Variants in IL1RAPL1 observed in about 807,000 individuals in gnomAD.
IL1RAPL1 encodes the protein interleukin-1 receptor accessory protein-like 1.
IL1RAPL1 carries 3 observed loss-of-function variants against 48.4 expected under a neutral mutation model. That is an observed-to-expected ratio of 0.06 (90% CI 0.03 to 0.16). The LOEUF (loss-of-function observed/expected upper bound fraction) is 0.16. Ranked by LOEUF, IL1RAPL1 falls within the 10% of genes least tolerant of loss-of-function variation. The pLI, the probability that IL1RAPL1 is intolerant of heterozygous loss-of-function variation, is 1.00. For missense variants in IL1RAPL1, 349 were observed against 530.6 expected (o/e 0.66, Z 3.36); for synonymous variants, 185 against 187.7 (o/e 0.99, Z 0.12).
intron 2 of IL1RAPL1, among the ~76,000 whole-genome samples, chrX:29,181,925 T>G (rs1372301045): frequency 8.9e-6 from 1 of 111,893 alleles, no homozygotes; most frequent in Non-Finnish European, 1.9e-5. Flanking sequence ...AAGTATGTAT[T>G]TGGTCTTTTT....
intron 1 of IL1RAPL1, among the ~76,000 whole-genome samples, chrX:28,721,421 G>T (rs1230741282): frequency 9.0e-6 from 1 of 111,498 alleles, no homozygotes; most frequent in Non-Finnish European, 1.9e-5. Context: ...CATATCCTTC[G>T]CCCACTTTTT....
chrX:29,169,600 T>G, intron 2 of IL1RAPL1, among the ~76,000 whole-genome samples: 1 of 111,005 alleles, frequency 9.0e-6, no homozygotes, highest in Middle Eastern at 4.7e-3. Context: ...TCAAACTACC[T>G]GGTAGGATCT....
chrX:29,789,446 T>G (rs1196919073), intron 6 of IL1RAPL1, among the ~76,000 whole-genome samples: 1 of 111,899 alleles, frequency 8.9e-6, no homozygotes, highest in Non-Finnish European at 1.9e-5. Flanking sequence ...ATTATGCTAG[T>G]GTCTATTACA....
intron 2 of IL1RAPL1, among the ~76,000 whole-genome samples, chrX:28,802,423 T>C (rs1403020319): frequency 1.8e-5 from 2 of 112,437 alleles, no homozygotes; most frequent in Non-Finnish European, 3.8e-5. Flanking sequence ...TTTTAAAATC[T>C]CTGAGGGTTA....
chrX:29,406,813 G>A (rs749912502), intron 5 of IL1RAPL1, among the ~76,000 whole-genome samples: 1 of 110,530 alleles, frequency 9.0e-6, no homozygotes, highest in African/African-American at 3.3e-5. Context: ...TTTTTAATAC[G>A]TCATCCCAGT....
At chrX:29,854,079 G>A (rs1385725717) in intron 6 of IL1RAPL1, among the ~76,000 whole-genome samples, 2 of 111,869 alleles carry the variant, frequency 1.8e-5, no homozygotes, top group Non-Finnish European at 3.8e-5. Flanking sequence ...AATTTTCGAG[G>A]TACGAAGGAT....
intron 2 of IL1RAPL1, among the ~76,000 whole-genome samples, chrX:28,900,297 G>T (rs973949777): frequency 1.2e-4 from 13 of 112,029 alleles, no homozygotes; most frequent in African/African-American, 4.2e-4. Context: ...TTCCAGAAAA[G>T]ATTTTCTGTG....
intron 2 of IL1RAPL1, among the ~76,000 whole-genome samples, chrX:28,970,869 C>G (rs918603485): frequency 6.3e-5 from 7 of 111,029 alleles, no homozygotes. Context: ...AAAAGCATAT[C>G]TTGCCATAAT....
At chrX:28,780,142 A>G (rs1283179132) in intron 1 of IL1RAPL1, among the ~76,000 whole-genome samples, 2 of 111,472 alleles carry the variant, frequency 1.8e-5, no homozygotes, top group Non-Finnish European at 1.9e-5. Flanking sequence ...CTTATTCAAA[A>G]GCAAAGTTAC....
chrX:29,257,783 A>G (rs1931781490), intron 2 of IL1RAPL1, among the ~76,000 whole-genome samples: 1 of 111,922 alleles, frequency 8.9e-6, no homozygotes, highest in Admixed American at 9.5e-5. Context: ...TTATTTTATG[A>G]TAACATGTTG....
chrX:29,001,897 C>CT (rs758737454), intron 2 of IL1RAPL1, among the ~76,000 whole-genome samples: 1,847 of 90,113 alleles, frequency 0.02, 20 homozygotes, highest in East Asian at 0.032. Flanking sequence ...CAATGAAGAA[C>CT]TTTTTTTTTT....
intron 2 of IL1RAPL1, among the ~76,000 whole-genome samples, chrX:29,092,748 A>C: frequency 8.9e-6 from 1 of 112,347 alleles, no homozygotes; most frequent in Non-Finnish European, 1.9e-5. Flanking sequence ...ATTTAAGTTA[A>C]GGAAAGGTTC....
At position 29,263,189 on chromosome X, in the gene IL1RAPL1, G is replaced by A. The variant is rs985330620; in HGVS notation, c.83-19749G>A. On this transcript the variant is annotated intron_variant, in intron 2 of 10. Coordinates refer to ENST00000378993, the MANE Select transcript of IL1RAPL1 (RefSeq NM_014271.4). ...GTTTGTCCCTCCTATTAGAGAGTGA[G>A]TTCACTAAGGGCAGACATTATGTTT... 3.6e-5 allele frequency among the ~76,000 whole-genome samples: 4 copies of A among 111,607 alleles called. No homozygotes were observed. The Admixed American group carries it at 3.8e-4, about 11-fold the overall frequency.
intron 8 of IL1RAPL1, among the ~76,000 whole-genome samples, chrX:29,929,260 A>AT (rs1932918594): frequency 9.0e-6 from 1 of 111,376 alleles, no homozygotes; most frequent in Admixed American, 9.5e-5. Flanking sequence ...CTGAACTGTG[A>AT]TAAAAAAAAA....
chrX:28,890,541 CTT>C (rs1398603139), intron 2 of IL1RAPL1, among the ~76,000 whole-genome samples: 2 of 111,597 alleles, frequency 1.8e-5, no homozygotes, highest in African/African-American at 3.2e-5. Flanking sequence ...ATTGGAAAAA[CTT>C]TTGTTTTTTT....
At chrX:29,766,406 AATAT>A (rs57656353) in intron 6 of IL1RAPL1, among the ~76,000 whole-genome samples, 1 of 94,672 alleles carries the variant, frequency 1.1e-5, no homozygotes, top group African/African-American at 4.0e-5. Flanking sequence ...TATATATCCA[AATAT>A]ATATATATTT....
intron 2 of IL1RAPL1, among the ~76,000 whole-genome samples, chrX:29,172,312 G>C (rs937648267): frequency 8.9e-6 from 1 of 111,872 alleles, no homozygotes; most frequent in Non-Finnish European, 1.9e-5. Context: ...GTGGTTCCTT[G>C]AACACTAGTA....
intron 5 of IL1RAPL1, among the ~76,000 whole-genome samples, chrX:29,479,029 G>GTT (rs112940021): frequency 9.5e-6 from 1 of 105,269 alleles, no homozygotes. Flanking sequence ...GAAAGCAGAA[G>GTT]TTTTTTTTTT....
At chrX:29,938,319 GATT>G (rs1933066788) in intron 8 of IL1RAPL1, among the ~76,000 whole-genome samples, 1 of 112,015 alleles carries the variant, frequency 8.9e-6, no homozygotes, top group African/African-American at 3.2e-5. Flanking sequence ...AGATTGATCA[GATT>G]ATATTTCAGG....
Sources: gnomAD v4.1 joint callset for allele counts (sites outside exome capture counted in the v4.1 genomes callset) on GRCh38, gnomAD v4.1.1 for gene constraint, MANE v1.5 for transcripts, NCBI Gene and HGNC (gene_info 2026-07-23, HGNC 2026-07-21) for gene names.